Variants in PCCA observed in about 807,000 individuals in gnomAD.
The protein encoded by PCCA is propionyl-CoA carboxylase subunit alpha, also known as propionyl-CoA carboxylase alpha chain, mitochondrial.
Under a neutral mutation model 101.3 loss-of-function variants are expected in PCCA, and 74 were observed. That is an observed-to-expected ratio of 0.73 (90% confidence interval 0.61 to 0.89). PCCA has a LOEUF of 0.89. Ranked by LOEUF, PCCA falls within the 40% of genes least tolerant of loss-of-function variation. The pLI, the probability that PCCA is intolerant of heterozygous loss-of-function variation, is 0.00. For synonymous variants in PCCA, 294 were observed against 313.6 expected (o/e 0.94, Z 0.66); for missense variants, 891 against 907.0 (o/e 0.98, Z 0.23).
At chr13:100,403,490 T>TG (rs1290172100) in intron 19 of PCCA, among the ~76,000 whole-genome samples, 1 of 152,092 alleles carries the variant, frequency 6.6e-6, no homozygotes, top group Non-Finnish European at 1.5e-5. Flanking sequence ...GAGGAGCAGG[T>TG]GCATCACATG....
chr13:100,430,948 A>G (rs2079508257), intron 20 of PCCA, among the ~76,000 whole-genome samples: 1 of 152,214 alleles, frequency 6.6e-6, no homozygotes, highest in African/African-American at 2.4e-5. Context: ...CAAAAACCCA[A>G]TAAAGTACGT....
chr13:100,425,781 T>C (rs765137976), intron 20 of PCCA, 50 bp downstream of exon 20: 2 of 1,174,990 alleles, frequency 1.7e-6, no homozygotes, highest in Non-Finnish European at 2.6e-6. Context: ...TCCAGAATCC[T>C]TGTCAGCACC....
At chr13:100,228,860 A>G (rs2152509813) in intron 7 of PCCA, among the ~76,000 whole-genome samples, 1 of 149,072 alleles carries the variant, frequency 6.7e-6, no homozygotes, top group South Asian at 2.1e-4. Flanking sequence ...GGATCGCTCC[A>G]TTGCACTCCA....
At chr13:100,522,213 AG>A (rs1318296743) in intron 22 of PCCA, among the ~76,000 whole-genome samples, 11 of 152,236 alleles carry the variant, frequency 7.2e-5, no homozygotes, top group Non-Finnish European at 1.3e-4. Flanking sequence ...TTTTAGGCAG[AG>A]GGTTTAAATA....
At chr13:100,238,174 A>T (rs901561445) in intron 8 of PCCA, among the ~76,000 whole-genome samples, 2 of 151,868 alleles carry the variant, frequency 1.3e-5, no homozygotes, top group Non-Finnish European at 2.9e-5. Flanking sequence ...TCCTGACCTT[A>T]GGTGATCTGC....
chr13:100,457,918 G>A (rs1240441002), intron 21 of PCCA, among the ~76,000 whole-genome samples: 1 of 152,136 alleles, frequency 6.6e-6, no homozygotes, highest in African/African-American at 2.4e-5. Context: ...CTTCTGAAGA[G>A]TGGCAGTGAG....
chr13:100,146,645 C>T (rs1388847972), intron 4 of PCCA, among the ~76,000 whole-genome samples: 1 of 150,842 alleles, frequency 6.6e-6, no homozygotes, highest in Non-Finnish European at 1.5e-5. Context: ...TGTGCCCAAA[C>T]TCACTAATAA....
intron 22 of PCCA, among the ~76,000 whole-genome samples, chr13:100,526,531 G>A (rs186600174): frequency 9.2e-5 from 14 of 152,248 alleles, no homozygotes; most frequent in Non-Finnish European, 1.8e-4. Context: ...GGGGGACTTG[G>A]AGATCATCTG....
intron 8 of PCCA, among the ~76,000 whole-genome samples, chr13:100,256,722 G>A (rs1005663062): frequency 6.6e-6 from 1 of 152,136 alleles, no homozygotes; most frequent in African/African-American, 2.4e-5. Flanking sequence ...GAAGGATCCT[G>A]TAAGGGCTCA....
intron 19 of PCCA, among the ~76,000 whole-genome samples, chr13:100,384,933 G>A (rs930562536): frequency 3.3e-4 from 50 of 152,102 alleles, no homozygotes; most frequent in African/African-American, 1.2e-3. Context: ...CATGACAAAT[G>A]ATAGAAAATT....
chr13:100,190,697 C>T (rs1301604464), intron 6 of PCCA, among the ~76,000 whole-genome samples: 1 of 152,020 alleles, frequency 6.6e-6, no homozygotes, highest in Non-Finnish European at 1.5e-5. Flanking sequence ...CCAAAAAGCT[C>T]ATGCCTGTTA....
chr13:100,321,591 C>CTGTGTG (rs35931512), intron 16 of PCCA, among the ~76,000 whole-genome samples: 327 of 132,006 alleles, frequency 2.5e-3, no homozygotes, highest in African/African-American at 6.9e-3. Context: ...TATAGAAGAT[C>CTGTGTG]TGTGTGTGTG....
intron 14 of PCCA, among the ~76,000 whole-genome samples, chr13:100,306,588 G>A (rs2066469918): frequency 1.3e-5 from 2 of 152,066 alleles, no homozygotes; most frequent in South Asian, 4.2e-4. Context: ...TTTTGAACTT[G>A]TGCTATCCCC....
rs537687594 is a variant in PCCA at position 100,316,798 on chromosome 13, G to T, written c.1429+6890G>T. ...AGTATTCTTTTTTTTTTTGGAGATGGAGTCTCACTCTGTCACCCAGGCTGG... is the reference window on the plus strand; with the variant it reads ...AGTATTCTTTTTTTTTTTGGAGATGTAGTCTCACTCTGTCACCCAGGCTGG... On this transcript the variant is annotated intron_variant, in intron 16 of 23. Coordinates refer to ENST00000376285, the MANE Select transcript of PCCA (RefSeq NM_000282.4). 4.6e-5 allele frequency among the ~76,000 whole-genome samples: 7 copies of T among 151,450 alleles called. 1 individual carries two copies. The highest frequency in any genetic ancestry group is 1.7e-4 in the African/African-American group (7 of 41,286).
chr13:100,317,292 T>C (rs2067470664), intron 16 of PCCA, among the ~76,000 whole-genome samples: 1 of 152,198 alleles, frequency 6.6e-6, no homozygotes, highest in Non-Finnish European at 1.5e-5. Context: ...ATATGAGCGA[T>C]TTGCATATTG....
At chr13:100,210,129 C>T (rs1694690047) in intron 7 of PCCA, among the ~76,000 whole-genome samples, 1 of 151,732 alleles carries the variant, frequency 6.6e-6, no homozygotes, top group Non-Finnish European at 1.5e-5. Flanking sequence ...AGACACACAC[C>T]ACCACACCTG....
chr13:100,238,487 A>G (rs1206391435), intron 8 of PCCA, among the ~76,000 whole-genome samples: 3 of 151,864 alleles, frequency 2.0e-5, no homozygotes, highest in Admixed American at 1.3e-4. Flanking sequence ...TTCTTCCCCA[A>G]TTACTCTCTC....
chr13:100,463,671 C>T (rs1422981859), intron 21 of PCCA, among the ~76,000 whole-genome samples: 1 of 152,066 alleles, frequency 6.6e-6, no homozygotes, highest in African/African-American at 2.4e-5. Context: ...AGTTGATGCC[C>T]CAGCAGAGGT....
intron 20 of PCCA, among the ~76,000 whole-genome samples, chr13:100,442,330 A>G (rs1284029806): frequency 6.6e-6 from 1 of 152,046 alleles, no homozygotes; most frequent in Non-Finnish European, 1.5e-5. Flanking sequence ...AAACTGTGGG[A>G]GAGTGGTGAA....
Sources: allele counts gnomAD v4.1 joint callset (sites outside exome capture counted in the v4.1 genomes callset), GRCh38; gene constraint gnomAD v4.1.1; transcripts MANE v1.5; gene names NCBI Gene and HGNC (gene_info 2026-07-23, HGNC 2026-07-21).